Variants in CYRIB observed in about 807,000 individuals in gnomAD.
CYRIB encodes CYFIP-related Rac1 interactor B.
A neutral mutation model predicts 44.2 loss-of-function variants in CYRIB; 8 were observed. That is an observed-to-expected ratio of 0.18 (90% CI 0.11 to 0.33). CYRIB has a LOEUF of 0.33. Among genes scored for constraint, CYRIB ranks in the 10% least tolerant of loss-of-function variants. The pLI is 1.00. For missense variants in CYRIB, 185 were observed against 382.8 expected (o/e 0.48, Z 4.31); for synonymous variants, 131 against 127.2 (o/e 1.03, Z -0.20).
intron 1 of CYRIB, among the ~76,000 whole-genome samples, chr8:129,987,093 A>G (rs2096483576): frequency 6.6e-6 from 1 of 152,184 alleles, no homozygotes; most frequent in Non-Finnish European, 1.5e-5. Flanking sequence ...CGTTGCTAAC[A>G]TGAGTGGATA....
At chr8:129,855,915 AATG>A (rs2045988348) in intron 5 of CYRIB, among the ~76,000 whole-genome samples, 168 bp from the exon 8 acceptor site, 1 of 152,250 alleles carries the variant, frequency 6.6e-6, no homozygotes, top group African/African-American at 2.4e-5. Context: ...TGCCATTGCT[AATG>A]TACTACACAC....
intron 2 of CYRIB, chr8:129,894,538 T>C (rs1310432402): frequency 1.3e-5 from 2 of 152,216 alleles, no homozygotes; most frequent in Non-Finnish European, 2.9e-5. Context: ...CAGACATCTT[T>C]GCCAGCTGGG....
intron 2 of CYRIB, among the ~76,000 whole-genome samples, chr8:129,955,130 G>A (rs2131473166): frequency 6.6e-6 from 1 of 152,024 alleles, no homozygotes; most frequent in South Asian, 2.1e-4. Context: ...GTGCACACTT[G>A]TAGTCCCAGC....
At chr8:129,895,110 C>A in intron 2 of CYRIB, among the ~76,000 whole-genome samples, 1 of 8,810 alleles carries the variant, frequency 1.1e-4, no homozygotes, top group East Asian at 3.9e-3. Context: ...TGTGTGTCGG[C>A]GGGGTTGGGG....
At chr8:129,909,150 T>A (rs1158911520) in intron 1 of CYRIB, among the ~76,000 whole-genome samples, 2 of 152,098 alleles carry the variant, frequency 1.3e-5, no homozygotes, top group Non-Finnish European at 2.9e-5. Context: ...ATACCAACAT[T>A]TCTAATTATC....
intron 4 of CYRIB, among the ~76,000 whole-genome samples, chr8:129,862,751 C>T (rs184570000): frequency 1.8e-4 from 27 of 152,224 alleles, no homozygotes; most frequent in Admixed American, 1.4e-3. Flanking sequence ...GGATTATAGG[C>T]GTGAGCCACC....
chr8:129,982,070 C>T (rs1410837261), intron 1 of CYRIB, among the ~76,000 whole-genome samples: 1 of 152,218 alleles, frequency 6.6e-6, no homozygotes, highest in East Asian at 1.9e-4. Flanking sequence ...CCCCATTGGC[C>T]AGGGAATTTC....
intron 1 of CYRIB, among the ~76,000 whole-genome samples, chr8:129,912,166 G>A (rs1052573682): frequency 6.6e-6 from 1 of 152,036 alleles, no homozygotes; most frequent in African/African-American, 2.4e-5. Flanking sequence ...TACAAACAGA[G>A]GTAATAACAT....
chr8:129,921,377 T>A (rs952191580), intron 1 of CYRIB, among the ~76,000 whole-genome samples: 9 of 152,242 alleles, frequency 5.9e-5, no homozygotes, highest in Admixed American at 2.0e-4. Context: ...ACAGCCATTA[T>A]TTGAGTGTAT....
At chr8:129,961,502 C>T (rs1162322995) in intron 2 of CYRIB, among the ~76,000 whole-genome samples, 2 of 152,188 alleles carry the variant, frequency 1.3e-5, no homozygotes, top group African/African-American at 4.8e-5. Flanking sequence ...TGCCTCCTTA[C>T]AGAGGGGTGG....
intron 1 of CYRIB, among the ~76,000 whole-genome samples, chr8:129,910,312 T>A (rs1412148809): frequency 1.3e-5 from 2 of 152,152 alleles, no homozygotes; most frequent in Admixed American, 1.3e-4. Context: ...ATCTTAGCTA[T>A]GAACATATAT....
chr8:129,846,406 A>G (rs537437435), intron 11 of CYRIB, among the ~76,000 whole-genome samples: 2 of 152,356 alleles, frequency 1.3e-5, no homozygotes, highest in African/African-American at 4.8e-5. Context: ...CTGGAAGGCT[A>G]TATGCTAATA....
intron 1 of CYRIB, among the ~76,000 whole-genome samples, chr8:129,908,321 G>C (rs1246178448): frequency 3.9e-5 from 6 of 151,968 alleles, no homozygotes. Context: ...ATTTGTAACA[G>C]GGAGGCAAAA....
At chr8:129,877,794 A>G (rs1171609637) in intron 3 of CYRIB, among the ~76,000 whole-genome samples, 2 of 152,100 alleles carry the variant, frequency 1.3e-5, no homozygotes, top group African/African-American at 4.8e-5. Flanking sequence ...TGACCATAAC[A>G]TAATACTAGG....
intron 1 of CYRIB, among the ~76,000 whole-genome samples, chr8:129,991,133 G>GAAAAA (rs35682865): frequency 4.4e-5 from 3 of 67,762 alleles, no homozygotes; most frequent in South Asian, 5.9e-4. Flanking sequence ...CTCTGTCTCA[G>GAAAAA]AAAAAAAAAA....
rs557705548 is a variant in CYRIB at position 129,970,149 on chromosome 8, T to C, written c.-243+794A>G. Among the ~76,000 whole-genome samples the C allele has an allele frequency of 5.3e-5, 8 of 152,328 alleles. No homozygotes were observed. In the South Asian group the frequency reaches 1.7e-3, roughly 32 times the overall value. On this transcript the variant is annotated intron_variant, in intron 2 of 14. Coordinates refer to the CYRIB transcript ENST00000401979. ...GCTGTACGATTAAGATTTGTGCATTTTACAGCATGTAAGATAGCTCGATTA... is the reference window on the plus strand; with the variant it reads ...GCTGTACGATTAAGATTTGTGCATTCTACAGCATGTAAGATAGCTCGATTA...
At chr8:129,991,781 C>G (rs940503817) in intron 1 of CYRIB, among the ~76,000 whole-genome samples, 14 of 150,986 alleles carry the variant, frequency 9.3e-5, no homozygotes, top group Admixed American at 7.3e-4. Flanking sequence ...GAAACCTTGT[C>G]TCTACCAAAA....
At chr8:129,962,091 C>A (rs2095286531) in intron 2 of CYRIB, among the ~76,000 whole-genome samples, 1 of 151,896 alleles carries the variant, frequency 6.6e-6, no homozygotes, top group Non-Finnish European at 1.5e-5. Context: ...TCTAAACATA[C>A]AAAAAATTAG....
chr8:129,956,224 A>T (rs1260157923), intron 2 of CYRIB, among the ~76,000 whole-genome samples: 2 of 152,198 alleles, frequency 1.3e-5, no homozygotes, highest in Non-Finnish European at 2.9e-5. Flanking sequence ...GTAAATAATA[A>T]TGATGGCTAC....
Sources: allele counts gnomAD v4.1 joint callset (sites outside exome capture counted in the v4.1 genomes callset), GRCh38; gene constraint gnomAD v4.1.1; transcripts MANE v1.5; gene names NCBI Gene and HGNC (gene_info 2026-07-23, HGNC 2026-07-21).